The following TBC1D22A variants were observed in gnomAD, a reference collection of about 807,000 sequenced individuals.
TBC1D22A encodes TBC1 domain family member 22A.
TBC1D22A carries 38 observed loss-of-function variants against 60.2 expected under a neutral mutation model. The ratio of observed to expected loss-of-function variants is 0.63; its 90% CI spans 0.49 to 0.83. The LOEUF (loss-of-function observed/expected upper bound fraction) is 0.83, where lower values mean the gene tolerates loss of function less well. TBC1D22A is among the 40% of genes least tolerant of loss of function. The pLI is 0.00. For synonymous variants in TBC1D22A, 302 were observed against 281.7 expected, an observed-to-expected ratio of 1.07 and a Z score of -0.72; for missense variants, 628 against 701.0, an observed-to-expected ratio of 0.90 and a Z score of 1.18.
At chr22:46,842,632 T>C (rs568775012) in intron 4 of TBC1D22A, among the ~76,000 whole-genome samples, 9 of 152,322 alleles carry the variant, frequency 5.9e-5, no homozygotes, top group African/African-American at 2.2e-4. Context: ...CAAAAATCAG[T>C]GGGATGAGTT....
At chr22:46,875,484 C>T (rs910065926) in intron 4 of TBC1D22A, among the ~76,000 whole-genome samples, 1 of 151,768 alleles carries the variant, frequency 6.6e-6, no homozygotes, top group African/African-American at 2.4e-5. Context: ...GACAGAGTCT[C>T]ACTCCCACCC....
intron 11 of TBC1D22A, among the ~76,000 whole-genome samples, chr22:47,048,576 G>A (rs1459511613): frequency 6.6e-6 from 1 of 152,160 alleles, no homozygotes. Flanking sequence ...GGAGCATGGG[G>A]CAGACAGAGC....
chr22:47,002,767 C>G (rs574466183), intron 10 of TBC1D22A, among the ~76,000 whole-genome samples: 1 of 152,150 alleles, frequency 6.6e-6, no homozygotes, highest in Non-Finnish European at 1.5e-5. Context: ...CCTGGGGCCC[C>G]GGTTCTGGTG....
At chr22:46,801,339 T>C (rs757574429) in intron 4 of TBC1D22A, among the ~76,000 whole-genome samples, 1 of 152,244 alleles carries the variant, frequency 6.6e-6, no homozygotes, top group Non-Finnish European at 1.5e-5. Flanking sequence ...GTGGCAAATA[T>C]TTGCCAATGT....
chr22:47,102,304 G>A (rs1044404093), intron 11 of TBC1D22A, among the ~76,000 whole-genome samples: 4 of 152,184 alleles, frequency 2.6e-5, no homozygotes, highest in African/African-American at 7.2e-5. Flanking sequence ...GAGTCAGCCA[G>A]TGCTCATCCC....
At chr22:47,054,493 C>T (rs2084368396) in intron 11 of TBC1D22A, among the ~76,000 whole-genome samples, 1 of 152,222 alleles carries the variant, frequency 6.6e-6, no homozygotes, top group Non-Finnish European at 1.5e-5. Context: ...CTCCACAGAG[C>T]TGGCTCCAGC....
chr22:46,937,598 TA>T (rs146033497), intron 8 of TBC1D22A, among the ~76,000 whole-genome samples: 2 of 151,860 alleles, frequency 1.3e-5, no homozygotes, highest in South Asian at 2.1e-4. Context: ...AAAAGTTATT[TA>T]AAAAAAAAGT....
chr22:46,866,826 G>A (rs1461564301), intron 4 of TBC1D22A, among the ~76,000 whole-genome samples: 1 of 152,242 alleles, frequency 6.6e-6, no homozygotes, highest in African/African-American at 2.4e-5. Context: ...GCATGCGGAA[G>A]CGTTAACTTG....
intron 6 of TBC1D22A, among the ~76,000 whole-genome samples, chr22:46,893,720 T>C (rs1386790793): frequency 6.6e-6 from 1 of 152,204 alleles, no homozygotes; most frequent in Non-Finnish European, 1.5e-5. Flanking sequence ...CCAGCTTCAG[T>C]CCTTTGGCCC....
At chr22:47,149,257 C>T (rs886385473) in intron 12 of TBC1D22A, among the ~76,000 whole-genome samples, 3 of 152,186 alleles carry the variant, frequency 2.0e-5, no homozygotes, top group Admixed American at 6.5e-5. Context: ...GGTGAGCTCA[C>T]GGCCCGGCGG....
intron 12 of TBC1D22A, among the ~76,000 whole-genome samples, chr22:47,119,654 G>A (rs2066200796): frequency 6.6e-6 from 1 of 152,046 alleles, no homozygotes; most frequent in South Asian, 2.1e-4. Flanking sequence ...GTGGCAGCAC[G>A]CCCGGCTAAT....
intron 6 of TBC1D22A, among the ~76,000 whole-genome samples, chr22:46,893,243 A>G (rs2147615356): frequency 6.6e-6 from 1 of 152,330 alleles, no homozygotes; most frequent in Middle Eastern, 3.4e-3. Context: ...GGAGAGCCAC[A>G]TGGAGTCAGA....
intron 1 of TBC1D22A, among the ~76,000 whole-genome samples, chr22:46,770,549 G>C (rs1013387980): frequency 2.0e-5 from 3 of 152,244 alleles, no homozygotes; most frequent in African/African-American, 7.2e-5. Flanking sequence ...CCTCAGCAGA[G>C]TCCTGCACTT....
chr22:47,106,616 A>G (rs543747992), intron 11 of TBC1D22A, among the ~76,000 whole-genome samples: 1 of 152,360 alleles, frequency 6.6e-6, no homozygotes, highest in East Asian at 1.9e-4. Flanking sequence ...AAACCCTCTC[A>G]TTAAAGGAGC....
Position 47,171,872 on chromosome 22 carries a change from G to A in TBC1D22A, c.1426-1626G>A, listed in dbSNP as rs74890997. 4.6e-3 allele frequency among the ~76,000 whole-genome samples: 697 copies of A among 151,388 alleles called. 7 individuals are homozygous for A. Among genetic ancestry groups the A allele is most frequent in the African/African-American group, 0.016 (648 of 41,520 alleles). The stretch of plus-strand genomic sequence containing the variant: ...CAGACCATGAGCTCTGGAGACAGTC[G>A]CCCATGTGTCTTTTGGGGGTGGGAC... On this transcript the variant is annotated intron_variant, in intron 12 of 12. Transcript: ENST00000337137.
chr22:46,962,933 G>A (rs2073589384), intron 8 of TBC1D22A, among the ~76,000 whole-genome samples: 1 of 152,104 alleles, frequency 6.6e-6, no homozygotes, highest in African/African-American at 2.4e-5. Flanking sequence ...CAGTGCCTGG[G>A]CCGGGTGCAG....
At chr22:46,953,419 C>T (rs2073023183) in intron 8 of TBC1D22A, among the ~76,000 whole-genome samples, 1 of 151,918 alleles carries the variant, frequency 6.6e-6, no homozygotes, top group South Asian at 2.1e-4. Flanking sequence ...TGTTCCTTGT[C>T]AATTATCTTT....
chr22:46,875,761 C>T (rs2067530430), intron 4 of TBC1D22A, among the ~76,000 whole-genome samples: 1 of 152,064 alleles, frequency 6.6e-6, no homozygotes, highest in Admixed American at 6.6e-5. Context: ...TAGCAATATG[C>T]TTATTATATG....
chr22:47,127,067 C>T (rs1008159813), intron 12 of TBC1D22A, among the ~76,000 whole-genome samples: 1 of 152,174 alleles, frequency 6.6e-6, no homozygotes, highest in Non-Finnish European at 1.5e-5. Flanking sequence ...CTCAGGAAAC[C>T]AGGCAGGGGA....
Sources: allele counts gnomAD v4.1 joint callset (sites outside exome capture counted in the v4.1 genomes callset), GRCh38; gene constraint gnomAD v4.1.1; transcripts MANE v1.5; gene names NCBI Gene and HGNC (gene_info 2026-07-23, HGNC 2026-07-21).